Variants in RBFOX1 observed in about 807,000 individuals in gnomAD.
RBFOX1 encodes the protein RNA binding fox-1 homolog 1.
Under a neutral mutation model 57.7 loss-of-function variants are expected in RBFOX1, and 8 were observed. The ratio of observed to expected loss-of-function variants is 0.14; its 90% CI spans 0.08 to 0.25. RBFOX1 has a LOEUF of 0.25. RBFOX1 is among the 10% of genes least tolerant of loss of function. The pLI is 1.00. For missense variants in RBFOX1, 611 were observed against 548.5 expected (o/e 1.11, Z -1.14); for synonymous variants, 326 against 222.4 (o/e 1.47, Z -4.15).
intron 3 of RBFOX1, among the ~76,000 whole-genome samples, chr16:6,736,821 T>A (rs1267138681): frequency 1.3e-5 from 2 of 152,176 alleles, no homozygotes; most frequent in African/African-American, 4.8e-5. Flanking sequence ...TTCATACATC[T>A]GAATTCCAGA....
At chr16:6,659,090 G>T (rs999264467) in intron 3 of RBFOX1, among the ~76,000 whole-genome samples, 6 of 151,912 alleles carry the variant, frequency 3.9e-5, no homozygotes, top group Non-Finnish European at 7.4e-5. Context: ...TGTTTCTGCT[G>T]GGGCACTGAA....
At chr16:6,930,356 C>G (rs751413018) in intron 3 of RBFOX1, among the ~76,000 whole-genome samples, 1 of 152,068 alleles carries the variant, frequency 6.6e-6, no homozygotes, top group South Asian at 2.1e-4. Context: ...TAGAGAAATG[C>G]AAATCAAAGT....
intron 1 of RBFOX1, among the ~76,000 whole-genome samples, chr16:5,250,391 T>G (rs1178507075): frequency 1.3e-5 from 2 of 152,100 alleles, no homozygotes; most frequent in East Asian, 3.9e-4. Context: ...CCCGCATGCA[T>G]TAGGTATTTG....
chr16:7,633,829 T>C (rs1039556962), intron 11 of RBFOX1, among the ~76,000 whole-genome samples: 3 of 152,226 alleles, frequency 2.0e-5, no homozygotes, highest in Non-Finnish European at 4.4e-5. Context: ...TGCGGTTTCC[T>C]TTCTCTTTTA....
chr16:6,591,659 G>A (rs565670661), intron 2 of RBFOX1, among the ~76,000 whole-genome samples: 1 of 152,242 alleles, frequency 6.6e-6, no homozygotes, highest in South Asian at 2.1e-4. Flanking sequence ...TAGCTGTTGT[G>A]ACACGGGGCA....
At chr16:6,706,949 C>T (rs1249153929) in intron 3 of RBFOX1, among the ~76,000 whole-genome samples, 1 of 151,976 alleles carries the variant, frequency 6.6e-6, no homozygotes, top group Non-Finnish European at 1.5e-5. Context: ...TAAAAGAAAA[C>T]CATGAAAAAT....
At chr16:5,607,610 G>A (rs1486461355) in intron 3 of RBFOX1, among the ~76,000 whole-genome samples, 1 of 152,094 alleles carries the variant, frequency 6.6e-6, no homozygotes, top group African/African-American at 2.4e-5. Flanking sequence ...AATACAGTAG[G>A]TGCTTAGTAA....
At chr16:5,941,092 C>T (rs889533484) in intron 4 of RBFOX1, among the ~76,000 whole-genome samples, 4 of 152,028 alleles carry the variant, frequency 2.6e-5, no homozygotes, top group South Asian at 4.2e-4. Flanking sequence ...CTGGGATACA[C>T]CCATCCCCAG....
In RBFOX1 at chr16:7,684,084, GT is replaced by G. The variant is rs1169520754; in HGVS notation, c.995+7248del. On this transcript the variant is annotated intron_variant, in intron 14 of 15. Transcript: ENST00000550418. ...ATTTCATTTTAAGTTATCAAAGCAA[GT>G]TCTGACTCTGTACTTACCACAAGTT... is the stretch of plus-strand genomic sequence containing the variant. Among the ~76,000 whole-genome samples the G allele has an allele frequency of 4.6e-5, 7 of 152,208 alleles. No homozygotes were observed. In the East Asian group the frequency reaches 1.2e-3, roughly 25 times the overall value.
intron 4 of RBFOX1, among the ~76,000 whole-genome samples, chr16:7,129,108 G>C (rs550985107): frequency 2.6e-5 from 4 of 151,892 alleles, no homozygotes; most frequent in Admixed American, 6.6e-5. Flanking sequence ...TGTGAGCCAC[G>C]GCACGCAGTC....
chr16:6,974,304 T>A (rs2086268897), intron 3 of RBFOX1, among the ~76,000 whole-genome samples: 1 of 151,608 alleles, frequency 6.6e-6, no homozygotes, highest in African/African-American at 2.4e-5. Context: ...CAGTCCAGTT[T>A]GTGGTGATAT....
intron 3 of RBFOX1, among the ~76,000 whole-genome samples, chr16:7,001,538 C>G (rs1003080331): frequency 2.6e-5 from 4 of 152,042 alleles, no homozygotes; most frequent in African/African-American, 9.7e-5. Context: ...CTCGTTGCAA[C>G]CTCCGCCTCC....
intron 3 of RBFOX1, among the ~76,000 whole-genome samples, chr16:5,731,083 CCATCAA>C (rs1459923670): frequency 1.3e-5 from 2 of 152,098 alleles, no homozygotes; most frequent in South Asian, 2.1e-4. Context: ...ATCACCATCA[CCATCAA>C]CATCATTGTC....
At chr16:6,925,944 C>A (rs1161412520) in intron 3 of RBFOX1, among the ~76,000 whole-genome samples, 1 of 151,910 alleles carries the variant, frequency 6.6e-6, no homozygotes, top group East Asian at 1.9e-4. Context: ...ATTTTAGTAA[C>A]CTAAACTCAT....
chr16:5,885,013 A>ATG (rs2057862583), intron 4 of RBFOX1, among the ~76,000 whole-genome samples: 1 of 152,208 alleles, frequency 6.6e-6, no homozygotes, highest in Non-Finnish European at 1.5e-5. Flanking sequence ...TGGAGCCTGC[A>ATG]TGTAAAATGA....
chr16:5,485,866 T>G (rs1468307781), intron 2 of RBFOX1, among the ~76,000 whole-genome samples: 2 of 152,214 alleles, frequency 1.3e-5, no homozygotes, highest in Admixed American at 1.3e-4. Context: ...TACTGAACAC[T>G]GTGATCTTCA....
At chr16:6,715,080 T>C (rs1339796840) in intron 3 of RBFOX1, among the ~76,000 whole-genome samples, 1 of 152,132 alleles carries the variant, frequency 6.6e-6, no homozygotes, top group African/African-American at 2.4e-5. Flanking sequence ...TCCTAAAGTC[T>C]GTGTGCGGCA....
intron 4 of RBFOX1, among the ~76,000 whole-genome samples, chr16:5,980,866 C>T (rs893650847): frequency 2.0e-5 from 3 of 152,142 alleles, no homozygotes; most frequent in African/African-American, 4.8e-5. Context: ...TGTCGTCCTG[C>T]CATTTCACAT....
At chr16:6,259,589 C>G (rs192804914) in intron 1 of RBFOX1, among the ~76,000 whole-genome samples, 2 of 152,184 alleles carry the variant, frequency 1.3e-5, no homozygotes, top group Admixed American at 6.5e-5. Flanking sequence ...GGGAGGGTGG[C>G]CCAGTAGCGA....
Sources: allele counts gnomAD v4.1 joint callset (sites outside exome capture counted in the v4.1 genomes callset), GRCh38; gene constraint gnomAD v4.1.1; transcripts MANE v1.5; gene names NCBI Gene and HGNC (gene_info 2026-07-23, HGNC 2026-07-21).